Variants in PTPN9 observed in about 807,000 individuals in gnomAD.
PTPN9 encodes the protein protein tyrosine phosphatase non-receptor type 9, also known as tyrosine-protein phosphatase non-receptor type 9.
Under a neutral mutation model 69.8 loss-of-function variants are expected in PTPN9, and 26 were observed. The ratio of observed to expected loss-of-function variants is 0.37; its 90% CI spans 0.27 to 0.52. The LOEUF is 0.52. Among genes scored for constraint, PTPN9 ranks in the 20% least tolerant of loss-of-function variants. The pLI is 0.91. For synonymous variants in PTPN9, 274 were observed against 272.5 expected (o/e 1.01, Z -0.05); for missense variants, 549 against 740.3 (o/e 0.74, Z 3.00).
intron 8 of PTPN9, among the ~76,000 whole-genome samples, chr15:75,486,920 G>GACT (rs2074681676): frequency 6.6e-6 from 1 of 151,572 alleles, no homozygotes; most frequent in African/African-American, 2.4e-5. Context: ...GAGTAGCTGG[G>GACT]ACTACAGGCG....
At chr15:75,498,569 G>A (rs1273957351) in intron 7 of PTPN9, among the ~76,000 whole-genome samples, 3 of 151,898 alleles carry the variant, frequency 2.0e-5, no homozygotes, top group Non-Finnish European at 4.4e-5. Flanking sequence ...ACAAAAATTC[G>A]TCAGGCATGG....
chr15:75,547,767 G>C (rs1252209611), intron 1 of PTPN9, among the ~76,000 whole-genome samples: 1 of 151,748 alleles, frequency 6.6e-6, no homozygotes, highest in Non-Finnish European at 1.5e-5. Context: ...CTGGGTTCAA[G>C]CAATTCTCCT....
intron 6 of PTPN9, among the ~76,000 whole-genome samples, chr15:75,508,393 A>C (rs900966870): frequency 3.3e-5 from 5 of 152,152 alleles, no homozygotes; most frequent in Non-Finnish European, 5.9e-5. Context: ...AACGCTTTTG[A>C]AATTGGGAAG....
chr15:75,497,629 C>T (rs544487600), intron 7 of PTPN9, among the ~76,000 whole-genome samples: 13 of 151,798 alleles, frequency 8.6e-5, no homozygotes, highest in Admixed American at 3.3e-4. Context: ...GGCGAAACCC[C>T]GTCTCTATGA....
intron 8 of PTPN9, among the ~76,000 whole-genome samples, chr15:75,483,979 T>G (rs1356511772): frequency 3.3e-5 from 5 of 152,212 alleles, no homozygotes. Context: ...TGGTACCCAA[T>G]AAATACAAAG....
intron 10 of PTPN9, 100 bp from the exon 11 acceptor site, chr15:75,470,930 T>C: frequency 7.3e-7 from 1 of 1,360,680 alleles, no homozygotes; most frequent in Non-Finnish European, 1.0e-6. Context: ...AGCAATATCA[T>C]CTCTTGCATT....
At position 75,567,734 on chromosome 15, in the gene PTPN9, C is replaced by T. The variant is rs187043931; in HGVS notation, c.63+10980G>A. On this transcript the variant is annotated intron_variant, in intron 1 of 12. Transcript: ENST00000618819. The stretch of plus-strand genomic sequence containing the variant: ...AAATGCTGCCAGGCGCGGTGGCTCA[C>T]GCCTGTAATCCCAGCACTTTGGGAG... 2.5e-3 allele frequency among the ~76,000 whole-genome samples: 383 copies of T among 152,166 alleles called. 2 individuals are homozygous for T. The highest frequency in any genetic ancestry group is 8.3e-3 in the African/African-American group (345 of 41,538).
At chr15:75,559,393 T>C (rs1020184969) in intron 1 of PTPN9, among the ~76,000 whole-genome samples, 2 of 152,084 alleles carry the variant, frequency 1.3e-5, no homozygotes, top group Admixed American at 1.3e-4. Context: ...TAGAAAGAAG[T>C]AGACATGGGA....
In PTPN9 at chr15:75,507,476, A is replaced by T. The variant is rs1366210353; in HGVS notation, c.639+1441T>A. On this transcript the variant is annotated intron_variant, in intron 6 of 12. Transcript: ENST00000618819. The stretch of plus-strand genomic sequence containing the variant: ...AAAAAAAAAAAAAAAGAAAGAAAAG[A>T]TCTCTCCTGGCTGGGCACGGTGGCT... Among the ~76,000 whole-genome samples, 3 of 149,680 alleles carry T rather than the reference A, an allele frequency of 2.0e-5. No homozygotes were observed. In the East Asian group the frequency reaches 5.9e-4, roughly 29 times the overall value.
At chr15:75,540,554 AAAAAAAAAG>A (rs2075003794) in intron 1 of PTPN9, among the ~76,000 whole-genome samples, 1 of 124,764 alleles carries the variant, frequency 8.0e-6, no homozygotes, top group Non-Finnish European at 1.8e-5. Context: ...AAAAAAAAAA[AAAAAAAAAG>A]AAAGAAAGAA....
At chr15:75,480,710 GC>G in intron 8 of PTPN9, 2 of 1,318,864 alleles carry the variant, frequency 1.5e-6, no homozygotes, top group Non-Finnish European at 9.8e-7. Flanking sequence ...CCGCCCCACA[GC>G]CGGGAGGATG....
chr15:75,577,108 CTAGT>C (rs560000403), intron 1 of PTPN9, among the ~76,000 whole-genome samples: 134 of 152,250 alleles, frequency 8.8e-4, no homozygotes, highest in African/African-American at 3.1e-3. Context: ...AAGGTTTTTA[CTAGT>C]TAAACACATC....
intron 1 of PTPN9, among the ~76,000 whole-genome samples, chr15:75,531,561 GTTTTTGT>G (rs1229400432): frequency 2.0e-5 from 3 of 151,854 alleles, no homozygotes; most frequent in Non-Finnish European, 4.4e-5. Flanking sequence ...CATGGTACCT[GTTTTTGT>G]TTTTTGTTTT....
intron 7 of PTPN9, among the ~76,000 whole-genome samples, chr15:75,503,836 C>T (rs2074792990): frequency 2.3e-5 from 3 of 131,566 alleles, no homozygotes; most frequent in South Asian, 2.5e-4. Flanking sequence ...GGCCAGCCGC[C>T]CCGTCCGGGA....
chr15:75,491,004 G>A (rs1358634146), intron 7 of PTPN9, among the ~76,000 whole-genome samples: 2 of 152,152 alleles, frequency 1.3e-5, no homozygotes, highest in Non-Finnish European at 2.9e-5. Flanking sequence ...AGCTGCTCAG[G>A]AGTCTAAGGT....
chr15:75,501,081 T>C (rs2074770105), intron 7 of PTPN9, among the ~76,000 whole-genome samples: 1 of 152,140 alleles, frequency 6.6e-6, no homozygotes, highest in Admixed American at 6.6e-5. Flanking sequence ...TCTGATTGAC[T>C]TCTTTCTCAA....
At chr15:75,536,038 A>G (rs574288870) in intron 1 of PTPN9, among the ~76,000 whole-genome samples, 1 of 152,352 alleles carries the variant, frequency 6.6e-6, no homozygotes, top group Admixed American at 6.5e-5. Context: ...TTTCTTAAAT[A>G]GGCTCTTACT....
chr15:75,555,612 C>A lies in PTPN9; in HGVS notation c.63+23102G>T, dbSNP rs952425442. 6.8e-4 allele frequency among the ~76,000 whole-genome samples: 103 copies of A among 152,028 alleles called. 1 individual carries two copies. The highest frequency in any genetic ancestry group is 2.3e-3 in the African/African-American group (97 of 41,452). ...CTCCACTTCCCAGGTTCAAGCAATT[C>A]TTGGGCTTCAGCCTCCTGAGTAGCT... On this transcript the variant is annotated intron_variant, in intron 1 of 12. Coordinates refer to ENST00000618819, the MANE Select transcript of PTPN9 (RefSeq NM_002833.4).
chr15:75,537,331 G>GCA (rs2074986679), intron 1 of PTPN9, among the ~76,000 whole-genome samples: 1 of 112,620 alleles, frequency 8.9e-6, no homozygotes, highest in Non-Finnish European at 1.7e-5. Flanking sequence ...CAGCCTGGGT[G>GCA]ACACAGTGAG....
Sources: gnomAD v4.1 joint callset for allele counts (sites outside exome capture counted in the v4.1 genomes callset) on GRCh38, gnomAD v4.1.1 for gene constraint, MANE v1.5 for transcripts, NCBI Gene and HGNC (gene_info 2026-07-23, HGNC 2026-07-21) for gene names.